Variants in NIN observed in about 807,000 individuals in gnomAD.
NIN encodes ninein.
A neutral mutation model predicts 257.6 loss-of-function variants in NIN; 137 were observed. That is an observed-to-expected ratio of 0.53 (90% CI 0.46 to 0.61). The LOEUF (loss-of-function observed/expected upper bound fraction) is 0.61, where lower values mean the gene tolerates loss of function less well. Ranked by LOEUF, NIN falls within the 20% of genes least tolerant of loss-of-function variation. NIN has a pLI of 0.00. For missense variants in NIN, 2,439 were observed against 2,501.2 expected (o/e 0.98, Z 0.53); for synonymous variants, 918 against 919.8 (o/e 1.00, Z 0.04).
intron 2 of NIN, among the ~76,000 whole-genome samples, chr14:50,826,972 C>T (rs1194553246): frequency 6.6e-6 from 1 of 152,214 alleles, no homozygotes; most frequent in African/African-American, 2.4e-5. Context: ...GACTCATTTA[C>T]TTACTCTACA....
chr14:50,771,972 C>T (rs2042750854), intron 9 of NIN: 2 of 225,684 alleles, frequency 8.9e-6, no homozygotes, highest in Middle Eastern at 1.6e-3. Context: ...GGTGATAAAA[C>T]GAGACTCCGT....
At chr14:50,781,753 T>C (rs1454801321) in intron 5 of NIN, among the ~76,000 whole-genome samples, 3 of 152,246 alleles carry the variant, frequency 2.0e-5, no homozygotes, top group Non-Finnish European at 4.4e-5. Context: ...GCATATTTCA[T>C]GGAGTTATGG....
intron 29 of NIN, among the ~76,000 whole-genome samples, chr14:50,727,993 G>C (rs889011585): frequency 6.6e-6 from 1 of 152,164 alleles, no homozygotes; most frequent in African/African-American, 2.4e-5. Flanking sequence ...GGAAATGGGA[G>C]AGCCTGCAGT....
chr14:50,799,926 G>T (rs2044011648), intron 4 of NIN, among the ~76,000 whole-genome samples: 1 of 152,054 alleles, frequency 6.6e-6, no homozygotes, highest in Non-Finnish European at 1.5e-5. Flanking sequence ...AGTGAGCCGA[G>T]ATTGCACCAT....
chr14:50,757,798 C>G lies in NIN; in HGVS notation c.3232G>C (p.Val1078Leu), dbSNP rs755755851. The G allele has an allele frequency of 5.0e-6, 8 of 1,614,228 alleles. No individual in the cohort carries two copies. In the South Asian group the frequency reaches 8.8e-5, roughly 18 times the overall value. The change falls in exon 18 of 31, where the codon GTG becomes CTG. Residue 1078 changes from valine to leucine, a missense_variant. Physicochemically the swap from Val to Leu is conservative, Grantham distance 32. Coordinates refer to ENST00000530997, the MANE Select transcript of NIN (RefSeq NM_020921.4). ...GTAGCCATTTTCACATTTTCCTTCA[C>G]TGCCTGTTCATGAGCTCTCTGCAGG... ...LSLQRAHEQA[V>L]KENVKMATEI... is the part of the protein sequence containing the mutation.
At chr14:50,735,221 C>T (rs2040917357) in intron 28 of NIN, among the ~76,000 whole-genome samples, 1 of 152,136 alleles carries the variant, frequency 6.6e-6, no homozygotes, top group Admixed American at 6.5e-5. Flanking sequence ...CAAGAGTGCT[C>T]AGGGCCCCTT....
At position 50,723,365 on chromosome 14, in the gene NIN, G is replaced by A; in HGVS notation, c.*98C>T. ...AAATGGAAACTCCAGTTGTGTTGCTGGCAGTTTTAGGTTAGGCTTAATTTT... is the reference window on the plus strand; with the variant it reads ...AAATGGAAACTCCAGTTGTGTTGCTAGCAGTTTTAGGTTAGGCTTAATTTT... On this transcript the variant is annotated 3_prime_UTR_variant, in exon 31 of 31. Coordinates refer to ENST00000530997, the MANE Select transcript of NIN (RefSeq NM_020921.4). 1 of 954,590 alleles carries A rather than the reference G, an allele frequency of 1.0e-6. No homozygotes were observed. 59.1% of individuals were successfully genotyped at this position (954,590 alleles called of 1,614,324 possible). A position where few individuals can be genotyped will look rare whatever the true frequency, so the allele number is the denominator to read the frequency against.
chr14:50,749,702 G>C (rs905214621), intron 21 of NIN, among the ~76,000 whole-genome samples: 4 of 151,458 alleles, frequency 2.6e-5, no homozygotes, highest in African/African-American at 7.3e-5. Flanking sequence ...CAGTTTTTTT[G>C]GTGGGGAGAT....
intron 12 of NIN, among the ~76,000 whole-genome samples, chr14:50,768,540 G>C (rs912085583): frequency 6.6e-6 from 1 of 152,128 alleles, no homozygotes; most frequent in African/African-American, 2.4e-5. Flanking sequence ...GCAGTGTTGG[G>C]GAAAGCAGTG....
rs376540725 is a variant in NIN, at chr14:50,760,146, G to A, written c.2110C>T (p.Leu704=). 168 of 1,614,198 alleles carry A rather than the reference G, an allele frequency of 1.0e-4. No homozygotes were observed. The highest frequency in any genetic ancestry group is 1.1e-4 in the Non-Finnish European group (125 of 1,180,044). Residue 704 remains leucine, a synonymous_variant, in exon 17 of 31, where the codon CTG becomes TTG. Coordinates refer to ENST00000530997, the MANE Select transcript of NIN (RefSeq NM_020921.4). ...TTTTCCTCCTCAAGCTTCACTTGCA[G>A]TTGTTTTTTCTCCTCCTCATGCCTG... is the stretch of plus-strand genomic sequence containing the variant. The part of the protein sequence containing the change: ...TCRHEEEKKQ[L]QVKLEEEKTH...
chr14:50,771,488 G>A lies in NIN; in HGVS notation c.982-20C>T, dbSNP rs373665806. On this transcript the variant is annotated intron_variant, in intron 9 of 30. Transcript: ENST00000530997. ...CAAGGCCTAGAAATCAGAGCAAGGC[G>A]TAAATTCAAAAACAAATCACTCATT... 1.8e-5 allele frequency: 29 copies of A among 1,611,180 alleles called. No individual in the cohort carries two copies. The highest frequency in any genetic ancestry group is 6.7e-5 in the African/African-American group (5 of 74,740).
intron 3 of NIN, among the ~76,000 whole-genome samples, chr14:50,812,501 TGCCCTCAAG>T (rs920020128): frequency 4.1e-4 from 63 of 152,308 alleles, no homozygotes; most frequent in African/African-American, 1.4e-3. Flanking sequence ...ACATAACCTC[TGCCCTCAAG>T]GAGTTTATCA....
At chr14:50,772,275 A>G in intron 9 of NIN, 26 bp downstream of exon 9, 1 of 1,558,940 alleles carries the variant, frequency 6.4e-7, no homozygotes, top group Non-Finnish European at 8.7e-7. Flanking sequence ...CCAGTTTGTC[A>G]TTTTTCTCAA....
At position 50,760,335 on chromosome 14, in the gene NIN, C is replaced by T. The variant is rs1347328897; in HGVS notation, c.1921G>A (p.Asp641Asn). Residue 641 changes from aspartate (D) to asparagine (N), a missense_variant, in exon 17 of 31, where the codon GAC (aspartate) becomes AAC (asparagine). Transcript: ENST00000530997. ...TTCTTGCAGCTGACCACGGTTTCGT[C>T]CAGCTGCTTTTCATAATGGCGCACC... ...DKVRHYEKQL[D>N]ETVVSCKKAQ... The T allele has an allele frequency of 3.1e-6, 5 of 1,605,666 alleles. No homozygotes were observed. The highest frequency in any genetic ancestry group is 4.2e-6 in the Non-Finnish European group (5 of 1,179,604).
intron 29 of NIN, among the ~76,000 whole-genome samples, chr14:50,728,254 A>G (rs2040511362): frequency 1.3e-5 from 2 of 152,290 alleles, no homozygotes; most frequent in South Asian, 2.1e-4. Flanking sequence ...TTGTAGTTCA[A>G]TTATATACTG....
intron 29 of NIN, among the ~76,000 whole-genome samples, chr14:50,729,130 C>G (rs74767911): frequency 1.3e-5 from 2 of 152,108 alleles, no homozygotes; most frequent in Non-Finnish European, 2.9e-5. Context: ...ATGGGCAAAT[C>G]GTCTATTACA....
rs1224946466 is a variant in NIN at position 50,735,436 on chromosome 14, T to G, written c.5877+80A>C. On this transcript the variant is annotated intron_variant, in intron 28 of 30. Transcript: ENST00000530997. ...TTTTCACAACGGGAATTCAATGCCA[T>G]GTCTAGTCTCTCCCAACAAATACCT... 7.9e-6 allele frequency: 12 copies of G among 1,520,210 alleles called. 1 individual carries two copies. The South Asian group carries it at 1.6e-4, about 20-fold the overall frequency. The allele number at this position is 1,520,210 out of a possible 1,614,324, so 94.2% of individuals were successfully genotyped here. A position where few individuals can be genotyped will look rare whatever the true frequency, so the allele number is the denominator to read the frequency against.
intron 12 of NIN, among the ~76,000 whole-genome samples, chr14:50,769,364 C>T (rs2042633191): frequency 6.6e-6 from 1 of 152,162 alleles, no homozygotes; most frequent in African/African-American, 2.4e-5. Context: ...AGAAGGACCA[C>T]TTCTTTCACT....
chr14:50,816,446 A>G (rs1322720461), intron 3 of NIN, among the ~76,000 whole-genome samples: 1 of 152,184 alleles, frequency 6.6e-6, no homozygotes, highest in Non-Finnish European at 1.5e-5. Flanking sequence ...CTAACTGTAT[A>G]CTATCTCCAT....
Sources: allele counts gnomAD v4.1 joint callset (sites outside exome capture counted in the v4.1 genomes callset), GRCh38; gene constraint gnomAD v4.1.1; transcripts MANE v1.5; gene names NCBI Gene and HGNC (gene_info 2026-07-23, HGNC 2026-07-21).